EPC2: variants seen among roughly 807,000 people sequenced by gnomAD.
EPC2 encodes the protein enhancer of polycomb 2.
Under a neutral mutation model 92.1 loss-of-function variants are expected in EPC2, and 14 were observed. That is an observed-to-expected ratio of 0.15 (90% CI 0.10 to 0.24). The LOEUF (loss-of-function observed/expected upper bound fraction) is 0.24, where lower values mean the gene tolerates loss of function less well. Ranked by LOEUF, EPC2 falls within the 10% of genes least tolerant of loss-of-function variation. The pLI, the probability that EPC2 is intolerant of heterozygous loss-of-function variation, is 1.00. For synonymous variants in EPC2, 340 were observed against 334.7 expected, an observed-to-expected ratio of 1.02 and a Z score of -0.17; for missense variants, 755 against 971.5, an observed-to-expected ratio of 0.78 and a Z score of 2.96.
intron 2 of EPC2, among the ~76,000 whole-genome samples, chr2:148,738,321 C>T (rs1351671065): frequency 6.6e-6 from 1 of 152,134 alleles, no homozygotes; most frequent in Non-Finnish European, 1.5e-5. Flanking sequence ...CCACAGATAC[C>T]CTGTGGATTG....
intron 1 of EPC2, among the ~76,000 whole-genome samples, chr2:148,661,720 CAT>C (rs573945312): frequency 1.1e-3 from 167 of 152,040 alleles, no homozygotes; most frequent in African/African-American, 3.7e-3. Context: ...AAGTACATAA[CAT>C]GTAAAAATTC....
At chr2:148,708,839 A>G (rs1416901373) in intron 2 of EPC2, among the ~76,000 whole-genome samples, 1 of 152,182 alleles carries the variant, frequency 6.6e-6, no homozygotes, top group Non-Finnish European at 1.5e-5. Flanking sequence ...TTGATGGAAC[A>G]TATCTCAAAA....
intron 3 of EPC2, among the ~76,000 whole-genome samples, chr2:148,753,223 A>C (rs1683112116): frequency 6.6e-6 from 1 of 152,198 alleles, no homozygotes; most frequent in South Asian, 2.1e-4. Flanking sequence ...AGGTCCCTGA[A>C]ATACCAGCAT....
At chr2:148,765,316 ATTACT>A (rs1683387765) in intron 7 of EPC2, among the ~76,000 whole-genome samples, 170 bp downstream of exon 7, 1 of 152,274 alleles carries the variant, frequency 6.6e-6, no homozygotes, top group African/African-American at 2.4e-5. Context: ...TTTACTCTGT[ATTACT>A]TTTCATCAGT....
At chr2:148,661,057 A>G (rs977431078) in intron 1 of EPC2, among the ~76,000 whole-genome samples, 1 of 151,834 alleles carries the variant, frequency 6.6e-6, no homozygotes, top group African/African-American at 2.4e-5. Context: ...ATTGTTTCTT[A>G]TTTTTTCATA....
At chr2:148,677,951 G>A (rs1331662902) in intron 1 of EPC2, among the ~76,000 whole-genome samples, 2 of 152,152 alleles carry the variant, frequency 1.3e-5, no homozygotes, top group Non-Finnish European at 2.9e-5. Context: ...ATTGCAAAGA[G>A]CGAAAGAACA....
chr2:148,653,990 C>G (rs572406182), intron 1 of EPC2, among the ~76,000 whole-genome samples: 2 of 150,078 alleles, frequency 1.3e-5, no homozygotes, highest in African/African-American at 4.9e-5. Flanking sequence ...CTCTGTCACC[C>G]AGGCTGGAGT....
rs536475282 is a variant in EPC2, at chr2:148,708,535, C to A, written c.313+18162C>A. 2.0e-5 allele frequency among the ~76,000 whole-genome samples: 3 copies of A among 151,926 alleles called. No individual in the cohort carries two copies. In the South Asian group the frequency reaches 6.3e-4, roughly 32 times the overall value. On this transcript the variant is annotated intron_variant, in intron 2 of 13. Transcript: ENST00000258484. ...CTGATACCAAAGCCTGGCAGAGACA[C>A]AACAAAAAAGGAGAATTTTAGACCA...
intron 2 of EPC2, among the ~76,000 whole-genome samples, chr2:148,735,132 C>T (rs905654846): frequency 6.6e-6 from 1 of 151,828 alleles, no homozygotes; most frequent in Non-Finnish European, 1.5e-5. Flanking sequence ...TCATCTTGTC[C>T]ACATTTATGA....
At chr2:148,689,168 G>A (rs1330698016) in intron 1 of EPC2, among the ~76,000 whole-genome samples, 1 of 151,924 alleles carries the variant, frequency 6.6e-6, no homozygotes. Context: ...AGTCTTGTAG[G>A]TCATTGAGTG....
chr2:148,649,196 A>T, intron 1 of EPC2, among the ~76,000 whole-genome samples: 1 of 152,206 alleles, frequency 6.6e-6, no homozygotes, highest in Non-Finnish European at 1.5e-5. Flanking sequence ...TTTTAAATAA[A>T]CTTTTTTTGA....
At chr2:148,681,343 T>C (rs1360561215) in intron 1 of EPC2, among the ~76,000 whole-genome samples, 3 of 151,740 alleles carry the variant, frequency 2.0e-5, no homozygotes, top group Non-Finnish European at 4.4e-5. Context: ...TTAGGAGAAG[T>C]AGGGGATTGT....
chr2:148,719,918 A>T (rs1210784136), intron 2 of EPC2, among the ~76,000 whole-genome samples: 1 of 152,216 alleles, frequency 6.6e-6, no homozygotes, highest in East Asian at 1.9e-4. Context: ...CTTTCGGCCC[A>T]TAGAACATGG....
In EPC2 at chr2:148,759,388, C is replaced by T. The variant is rs185620338; in HGVS notation, c.667-2394C>T. 1.6e-4 allele frequency among the ~76,000 whole-genome samples: 25 copies of T among 152,076 alleles called. 1 individual carries two copies. Among genetic ancestry groups the T allele is most frequent in the East Asian group, 5.8e-4 (3 of 5,190 alleles). ...GATTACAGGCGTGAGCCACTGCGCC[C>T]GGCCAAAAAAAGTACTATTATAATA... On this transcript the variant is annotated intron_variant, in intron 4 of 13. Transcript: ENST00000258484.
intron 2 of EPC2, among the ~76,000 whole-genome samples, chr2:148,743,078 A>C (rs898808398): frequency 1.3e-5 from 2 of 152,100 alleles, no homozygotes; most frequent in Non-Finnish European, 2.9e-5. Context: ...ATGTTCCTCT[A>C]GTATTTTTAT....
At chr2:148,711,793 G>T (rs1279555572) in intron 2 of EPC2, among the ~76,000 whole-genome samples, 1 of 152,124 alleles carries the variant, frequency 6.6e-6, no homozygotes, top group East Asian at 1.9e-4. Context: ...ATTAGGGATT[G>T]TTATATCTTC....
At chr2:148,707,206 C>T (rs761880531) in intron 2 of EPC2, among the ~76,000 whole-genome samples, 19 of 151,874 alleles carry the variant, frequency 1.3e-4, no homozygotes, top group African/African-American at 2.7e-4. Context: ...TCCTAGTCTC[C>T]GATAAAACAG....
chr2:148,682,898 C>G (rs1307818341), intron 1 of EPC2, among the ~76,000 whole-genome samples: 2 of 152,138 alleles, frequency 1.3e-5, no homozygotes, highest in Non-Finnish European at 2.9e-5. Flanking sequence ...TCTCTACCCT[C>G]TCAGGCAACC....
intron 2 of EPC2, among the ~76,000 whole-genome samples, chr2:148,725,558 T>C (rs1682477624): frequency 6.6e-6 from 1 of 152,060 alleles, no homozygotes; most frequent in Admixed American, 6.5e-5. Context: ...TACAATACAG[T>C]AATCTGTTGA....
Sources: gnomAD v4.1 joint callset for allele counts (sites outside exome capture counted in the v4.1 genomes callset) on GRCh38, gnomAD v4.1.1 for gene constraint, MANE v1.5 for transcripts, NCBI Gene and HGNC (gene_info 2026-07-23, HGNC 2026-07-21) for gene names.